Variants in TEK observed in about 807,000 individuals in gnomAD.
TEK encodes the protein TEK receptor tyrosine kinase, also known as angiopoietin-1 receptor.
A neutral mutation model predicts 131.8 loss-of-function variants in TEK; 43 were observed. The observed-to-expected ratio is 0.33, with a 90% CI of 0.26 to 0.42. The LOEUF (loss-of-function observed/expected upper bound fraction) is 0.42, where lower values mean the gene tolerates loss of function less well. TEK is among the 10% of genes least tolerant of loss of function. The probability of loss-of-function intolerance (pLI) is 1.00; values close to 1 mark genes in which losing one functional copy is unlikely to be tolerated. For missense variants in TEK, 1,162 were observed against 1,384.4 expected (o/e 0.84, Z 2.55); for synonymous variants, 580 against 491.6 (o/e 1.18, Z -2.38).
intron 1 of TEK, among the ~76,000 whole-genome samples, chr9:27,110,330 T>C (rs1821288824): frequency 6.6e-6 from 1 of 151,888 alleles, no homozygotes; most frequent in African/African-American, 2.4e-5. Flanking sequence ...CACAGGAGAG[T>C]ATATGAAGCC....
chr9:27,187,966 T>C (rs1316697327), intron 9 of TEK, among the ~76,000 whole-genome samples: 1 of 152,180 alleles, frequency 6.6e-6, no homozygotes, highest in East Asian at 1.9e-4. Context: ...TACTAGGGGT[T>C]AAGACTTTAA....
At chr9:27,211,371 C>T (rs1825621588) in intron 16 of TEK, among the ~76,000 whole-genome samples, 2 of 140,906 alleles carry the variant, frequency 1.4e-5, no homozygotes, top group Middle Eastern at 3.8e-3. Context: ...TATAGTGCAA[C>T]AGGTTTCAAT....
At chr9:27,158,193 C>A in intron 2 of TEK, 51 bp downstream of exon 2, 1 of 1,606,510 alleles carries the variant, frequency 6.2e-7, no homozygotes, top group Non-Finnish European at 8.5e-7. Flanking sequence ...GGAACACACA[C>A]ACCTTTTGTC....
In TEK at chr9:27,206,753, G is replaced by A. The variant is rs779255150; in HGVS notation, c.2536G>A (p.Asp846Asn). ...AGTTCTTAAGGCGCGCATCAAGAAG[G>A]ATGGGTTACGGATGGATGCTGCCAT... is the stretch of plus-strand genomic sequence containing the variant. The part of the protein sequence containing the change: ...GQVLKARIKK[D>N]GLRMDAAIKR... Residue 846 changes from aspartate (D) to asparagine (N), a missense_variant, in exon 15 of 23, where the codon GAT (aspartate) becomes AAT (asparagine). Around this residue, in one of 6 missense-constraint regions of TEK, gnomAD observed 57 missense variants for 100.8 expected, o/e 0.57. Coordinates refer to ENST00000380036, the MANE Select transcript of TEK (RefSeq NM_000459.5). The A allele has an allele frequency of 1.2e-6, 2 of 1,614,086 alleles. No individual in the cohort carries two copies.
intron 18 of TEK, among the ~76,000 whole-genome samples, chr9:27,213,924 C>T (rs1443705443): frequency 2.0e-5 from 3 of 152,172 alleles, no homozygotes; most frequent in African/African-American, 4.8e-5. Flanking sequence ...TGCACAATCC[C>T]CTTTCATGCA....
intron 19 of TEK, among the ~76,000 whole-genome samples, chr9:27,218,011 C>G (rs576997449): frequency 6.6e-6 from 1 of 151,872 alleles, no homozygotes; most frequent in Non-Finnish European, 1.5e-5. Context: ...CTTCAAGTTG[C>G]GAATTCTCGG....
intron 1 of TEK, among the ~76,000 whole-genome samples, chr9:27,137,139 A>C (rs1041716968): frequency 1.3e-5 from 2 of 152,006 alleles, no homozygotes; most frequent in African/African-American, 2.4e-5. Context: ...GATGGTGTCG[A>C]TCTCTTAACC....
chr9:27,111,021 C>G (rs1349095950), intron 1 of TEK, among the ~76,000 whole-genome samples: 1 of 151,936 alleles, frequency 6.6e-6, no homozygotes, highest in Non-Finnish European at 1.5e-5. Context: ...TATAGTTTCT[C>G]TGAGGTACTT....
rs746629479 is a variant in TEK at position 27,185,547 on chromosome 9, C to G, written c.1245C>G (p.Leu415=). The part of the protein sequence containing the change: ...SVAIFTIHRI[L]PPDSGVWVCS... ...CCATATTCACCATCCACCGGATCCT[C>G]CCCCCTGACTCAGGAGTTTGGGTCT... is the stretch of plus-strand genomic sequence containing the variant. Residue 415 remains leucine, a synonymous_variant, in exon 9 of 23, where the codon CTC becomes CTG. Coordinates refer to ENST00000380036, the MANE Select transcript of TEK (RefSeq NM_000459.5). 1.2e-5 allele frequency: 20 copies of G among 1,613,616 alleles called. No homozygotes were observed. The highest frequency in any genetic ancestry group is 1.5e-5 in the Non-Finnish European group (18 of 1,179,740).
At chr9:27,126,025 A>G (rs1171844528) in intron 1 of TEK, among the ~76,000 whole-genome samples, 1 of 152,162 alleles carries the variant, frequency 6.6e-6, no homozygotes, top group Non-Finnish European at 1.5e-5. Context: ...CATGCAGTAG[A>G]TTGTTGTTAT....
At chr9:27,224,856 C>G (rs1048514272) in intron 21 of TEK, among the ~76,000 whole-genome samples, 107 of 152,282 alleles carry the variant, frequency 7.0e-4, no homozygotes, top group Non-Finnish European at 1.8e-4. Flanking sequence ...TTCTAGAAAA[C>G]CCCATTGTCT....
rs2131199974 is a variant in TEK, at chr9:27,198,983, A to G, written c.1909+1384A>G. Reference sequence around the variant, plus strand: ...TGACTTTTTTTAAAAATTTTTTTGTAGAGATGGGATCTCCCTATGTTGCCC... The same window carrying G: ...TGACTTTTTTTAAAAATTTTTTTGTGGAGATGGGATCTCCCTATGTTGCCC... On this transcript the variant is annotated intron_variant, in intron 12 of 22. Coordinates refer to ENST00000380036, the MANE Select transcript of TEK (RefSeq NM_000459.5). Among the ~76,000 whole-genome samples, 3 of 151,950 alleles carry G rather than the reference A, an allele frequency of 2.0e-5. No individual in the cohort carries two copies. The East Asian group carries it at 5.8e-4, about 30-fold the overall frequency.
chr9:27,193,559 C>T (rs542591303), intron 11 of TEK, among the ~76,000 whole-genome samples: 7 of 152,252 alleles, frequency 4.6e-5, no homozygotes, highest in Non-Finnish European at 8.8e-5. Flanking sequence ...ACCCAGGTAC[C>T]CTCCATTGAA....
At chr9:27,201,727 A>C (rs929689710) in intron 12 of TEK, among the ~76,000 whole-genome samples, 1 of 152,190 alleles carries the variant, frequency 6.6e-6, no homozygotes, top group African/African-American at 2.4e-5. Flanking sequence ...GTACCTTGAG[A>C]TACTTCTCAA....
intron 19 of TEK, among the ~76,000 whole-genome samples, chr9:27,218,011 C>T (rs576997449): frequency 9.9e-5 from 15 of 151,990 alleles, no homozygotes; most frequent in Non-Finnish European, 1.9e-4. Context: ...CTTCAAGTTG[C>T]GAATTCTCGG....
Position 27,175,878 on chromosome 9 carries a change from C to A in TEK, c.901+2516C>A, listed in dbSNP as rs577162858. The stretch of plus-strand genomic sequence containing the variant: ...AATTTGTTTGTGTTCATTGTAGATT[C>A]TGGATATTAGCCCTTTGTCAGATGA... On this transcript the variant is annotated intron_variant, in intron 6 of 22. Transcript: ENST00000380036. Among the ~76,000 whole-genome samples the A allele has an allele frequency of 2.0e-5, 3 of 152,020 alleles. No individual in the cohort carries two copies. The East Asian group carries it at 5.8e-4, about 29-fold the overall frequency.
Position 27,202,865 on chromosome 9 carries a change from A to T in TEK, c.1955A>T (p.His652Leu), listed in dbSNP as rs776825926. The T allele has an allele frequency of 1.2e-6, 2 of 1,613,634 alleles. No homozygotes were observed. Among genetic ancestry groups the T allele is most frequent in the South Asian group, 2.2e-5 (2 of 91,040 alleles). Residue 652 changes from histidine to leucine, a missense_variant, in exon 13 of 23, where the codon CAC (histidine) becomes CTC (leucine). Transcript: ENST00000380036. ...AACATCAAGATTTCCAACATTACAC[A>T]CTCCTCAGCTGTGATTTCTTGGACA... is the stretch of plus-strand genomic sequence containing the variant. ...PENIKISNIT[H>L]SSAVISWTIL...
At chr9:27,217,224 T>C (rs1040534645) in intron 18 of TEK, among the ~76,000 whole-genome samples, 2 of 152,154 alleles carry the variant, frequency 1.3e-5, no homozygotes, top group Non-Finnish European at 2.9e-5. Flanking sequence ...CACCTAAACA[T>C]CTTATAGAAC....
chr9:27,131,087 A>G (rs1822196245), intron 1 of TEK, among the ~76,000 whole-genome samples: 2 of 152,220 alleles, frequency 1.3e-5, no homozygotes, highest in African/African-American at 4.8e-5. Context: ...AACAAGTGAA[A>G]AGGCTCAGTA....
Sources: gnomAD v4.1 joint callset for allele counts (sites outside exome capture counted in the v4.1 genomes callset) on GRCh38, gnomAD v4.1.1 for gene constraint, gnomAD v4.1.1 regional missense constraint, MANE v1.5 for transcripts, NCBI Gene and HGNC (gene_info 2026-07-23, HGNC 2026-07-21) for gene names.